The following CCDC88C variants were observed in gnomAD, a reference collection of about 807,000 sequenced individuals.
CCDC88C encodes the protein coiled-coil and HOOK domain protein 88C.
Under a neutral mutation model 198.8 loss-of-function variants are expected in CCDC88C, and 131 were observed. The observed-to-expected ratio is 0.66, with a 90% CI of 0.57 to 0.76. CCDC88C has a LOEUF of 0.76. CCDC88C is among the 30% of genes least tolerant of loss of function. The pLI is 0.00. For synonymous variants in CCDC88C, 1,166 were observed against 1,114.7 expected, an observed-to-expected ratio of 1.05 and a Z score of -0.92; for missense variants, 2,553 against 2,631.6, an observed-to-expected ratio of 0.97 and a Z score of 0.65.
At chr14:91,332,062 C>T (rs1426983502) in intron 10 of CCDC88C, among the ~76,000 whole-genome samples, 26 of 152,108 alleles carry the variant, frequency 1.7e-4, no homozygotes, top group East Asian at 1.9e-4. Flanking sequence ...CTCTGCCCCT[C>T]GGGCTATTTG....
chr14:91,272,437 C>G lies in CCDC88C; in HGVS notation c.*188G>C. 1.6e-6 allele frequency: 1 copy of G among 608,238 alleles called. No individual in the cohort carries two copies. The highest frequency in any genetic ancestry group is 2.8e-6 in the Non-Finnish European group (1 of 355,884). 37.7% of individuals were successfully genotyped at this position (608,238 alleles called of 1,614,324 possible). On this transcript the variant is annotated 3_prime_UTR_variant, in exon 30 of 30. Transcript: ENST00000389857. ...CAGACACAGAAAACACGTTACACAC[C>G]TGGAAGCGTAATCCTCTTGGGGCTT...
In CCDC88C at chr14:91,381,396, T is replaced by C. The variant is rs1490018788; in HGVS notation, c.271-21685A>G. Reference sequence around the variant, plus strand: ...TGGGTTTAGGATGTGATCTTCTCTATATTCTCTATGCCCACGAAAGTTGCA... The same window carrying C: ...TGGGTTTAGGATGTGATCTTCTCTACATTCTCTATGCCCACGAAAGTTGCA... On this transcript the variant is annotated intron_variant, in intron 3 of 29. Transcript: ENST00000389857. This position sits in a 1 kb window ranked among gnomAD's most constrained non-coding sequence, Gnocchi z 4.2. 6.6e-6 allele frequency among the ~76,000 whole-genome samples: 1 copy of C among 152,232 alleles called. No homozygotes were observed. Among genetic ancestry groups the C allele is most frequent in the African/African-American group, 2.4e-5 (1 of 41,452 alleles).
At chr14:91,292,598 G>A (rs2139750029) in intron 23 of CCDC88C, among the ~76,000 whole-genome samples, 1 of 152,218 alleles carries the variant, frequency 6.6e-6, no homozygotes, top group South Asian at 2.1e-4. Context: ...CAGAGAGTTG[G>A]GATAGCACAC....
intron 3 of CCDC88C, among the ~76,000 whole-genome samples, chr14:91,391,135 C>T (rs1885481702): frequency 6.6e-6 from 1 of 152,130 alleles, no homozygotes; most frequent in Non-Finnish European, 1.5e-5. Context: ...GAGAAGCTTG[C>T]CCATTCACTG....
rs118030046 is a variant in CCDC88C at position 91,371,363 on chromosome 14, G to C, written c.271-11652C>G. 7.5e-3 allele frequency among the ~76,000 whole-genome samples: 1,140 copies of C among 152,098 alleles called. 5 individuals are homozygous for C. Among genetic ancestry groups the C allele is most frequent in the Middle Eastern group, 0.02 (6 of 294 alleles). On this transcript the variant is annotated intron_variant, in intron 3 of 29. Coordinates refer to ENST00000389857, the MANE Select transcript of CCDC88C (RefSeq NM_001080414.4). This position sits in a 1 kb window ranked among gnomAD's most constrained non-coding sequence, Gnocchi z 4.2. The stretch of plus-strand genomic sequence containing the variant: ...GAAAGTGTGGCCAGAGGAAACTACG[G>C]TATGCATGCAGGGTGGGCTGGGACA...
rs554362051 is a variant in CCDC88C, at chr14:91,279,281, G to A, written c.4725C>T (p.Ser1575=). The A allele has an allele frequency of 1.9e-6, 3 of 1,602,712 alleles. No individual in the cohort carries two copies. In the South Asian group the frequency reaches 3.4e-5, roughly 18 times the overall value. Residue 1575 remains serine, a synonymous_variant, in exon 28 of 30, where the codon AGC becomes AGT. Transcript: ENST00000389857. ...AGCTGTTGCTGGATGTGTTTCTACTGCTCTCTAAGCTACTTGGCCGCGACA... is the reference window on the plus strand; with the variant it reads ...AGCTGTTGCTGGATGTGTTTCTACTACTCTCTAAGCTACTTGGCCGCGACA... ...QYVSRPSSLE[S]SRNTSSNSSP... is the part of the protein sequence containing the mutation.
Position 91,339,213 on chromosome 14 carries a change from T to A in CCDC88C, c.809+65A>T. 5.7e-6 allele frequency: 9 copies of A among 1,571,246 alleles called. No individual in the cohort carries two copies. Among genetic ancestry groups the A allele is most frequent in the Non-Finnish European group, 7.8e-6 (9 of 1,153,118 alleles). On this transcript the variant is annotated intron_variant, in intron 8 of 29. Transcript: ENST00000389857. This position sits in a 1 kb window ranked among gnomAD's most constrained non-coding sequence, Gnocchi z 5.8. ...CCATTGGCAGCACCACACATGTGAG[T>A]CGACACCACACCAGAAACATGTCTG...
intron 29 of CCDC88C, among the ~76,000 whole-genome samples, chr14:91,277,196 G>A (rs1239886701): frequency 1.3e-5 from 2 of 151,896 alleles, no homozygotes; most frequent in Admixed American, 6.5e-5. Flanking sequence ...TTGTAGAGAC[G>A]GGTGTATTTT....
chr14:91,353,745 T>C (rs2139891549), intron 4 of CCDC88C, among the ~76,000 whole-genome samples: 1 of 152,342 alleles, frequency 6.6e-6, no homozygotes, highest in East Asian at 1.9e-4. Context: ...GCGCACCCTC[T>C]GTAACCATCA....
At chr14:91,334,568 G>A (rs1381412730) in intron 10 of CCDC88C, among the ~76,000 whole-genome samples, 2 of 152,190 alleles carry the variant, frequency 1.3e-5, no homozygotes, top group Non-Finnish European at 2.9e-5. Flanking sequence ...TCTCTTCATG[G>A]TGCTGTCTGC....
At position 91,273,077 on chromosome 14, in the gene CCDC88C, G is replaced by A. The variant is rs567110504; in HGVS notation, c.5635C>T (p.Arg1879Trp). ...GAGAAGCGCCTCGTGTCCAGCGGCC[G>A]GCTGCGGGGACCTGGGCCCTGACAG... The part of the protein sequence containing the change: ...SSCQGPGPRS[R>W]PLDTRRFSLA... The change falls in exon 30 of 30, where the codon CGG becomes TGG. Residue 1879 changes from arginine (R) to tryptophan (W), a missense_variant. Physicochemically the swap from Arg to Trp is moderately radical, Grantham distance 101 (BLOSUM62 -3). This residue lies in a region of CCDC88C where 1,293 missense variants were observed against 1,219.6 expected (regional missense o/e 1.06). Coordinates refer to ENST00000389857, the MANE Select transcript of CCDC88C (RefSeq NM_001080414.4). The surrounding 1 kb of genome is among the most constrained non-coding windows in gnomAD (Gnocchi z 5.6). 187 of 1,560,298 alleles carry A rather than the reference G, an allele frequency of 1.2e-4. No homozygotes were observed. The East Asian group carries it at 3.5e-3, about 29-fold the overall frequency.
At chr14:91,278,560 G>T (rs1431214530) in intron 28 of CCDC88C, among the ~76,000 whole-genome samples, 2 of 152,190 alleles carry the variant, frequency 1.3e-5, no homozygotes, top group Admixed American at 6.5e-5. Flanking sequence ...GGTTCATGAA[G>T]AAAGACCACA....
At chr14:91,355,068 C>CA (rs1893982506) in intron 4 of CCDC88C, among the ~76,000 whole-genome samples, 1 of 152,142 alleles carries the variant, frequency 6.6e-6, no homozygotes, top group Non-Finnish European at 1.5e-5. Context: ...TGCAAAATGA[C>CA]AGTCGGCTGA....
chr14:91,326,873 G>C (rs1248463489), intron 10 of CCDC88C, among the ~76,000 whole-genome samples: 1 of 152,186 alleles, frequency 6.6e-6, no homozygotes, highest in East Asian at 1.9e-4. Flanking sequence ...GGAAATGGGG[G>C]TCTTTAAGAC....
intron 3 of CCDC88C, among the ~76,000 whole-genome samples, chr14:91,374,071 A>G (rs1224780880): frequency 6.6e-6 from 1 of 152,230 alleles, no homozygotes; most frequent in African/African-American, 2.4e-5. Flanking sequence ...GGCTCTGCAC[A>G]GTGTGGCCCA....
intron 3 of CCDC88C, among the ~76,000 whole-genome samples, chr14:91,404,665 G>A (rs1391050587): frequency 6.6e-6 from 1 of 152,182 alleles, no homozygotes; most frequent in Admixed American, 6.5e-5. Context: ...GGAAATTTTT[G>A]AAAGTGCAGA....
At chr14:91,404,964 C>CAAAA (rs57911960) in intron 3 of CCDC88C, among the ~76,000 whole-genome samples, 2 of 103,384 alleles carry the variant, frequency 1.9e-5, no homozygotes, top group African/African-American at 3.9e-5. Context: ...GACTCCATCT[C>CAAAA]AAAAAAAAAA....
intron 4 of CCDC88C, among the ~76,000 whole-genome samples, chr14:91,356,979 A>T (rs1278436421): frequency 6.6e-6 from 1 of 152,206 alleles, no homozygotes. Flanking sequence ...TGCGTTTAAT[A>T]TTAGGTTCAA....
At chr14:91,392,239 C>A (rs868515248) in intron 3 of CCDC88C, among the ~76,000 whole-genome samples, 2 of 152,132 alleles carry the variant, frequency 1.3e-5, no homozygotes, top group South Asian at 4.1e-4. Context: ...ACTTAACATG[C>A]TCTATAAACT....
Sources: allele counts gnomAD v4.1 joint callset (sites outside exome capture counted in the v4.1 genomes callset), GRCh38; gene constraint gnomAD v4.1.1; regional missense constraint gnomAD v4.1.1; non-coding constraint Gnocchi (gnomAD v3.1); transcripts MANE v1.5; gene names NCBI Gene and HGNC (gene_info 2026-07-23, HGNC 2026-07-21).